The following ACOT13 variants were observed in gnomAD, a reference collection of about 807,000 sequenced individuals.
ACOT13 encodes the protein acyl-coenzyme A thioesterase 13.
Under a neutral mutation model 11.8 loss-of-function variants are expected in ACOT13, and 10 were observed. That is an observed-to-expected ratio of 0.85 (90% CI 0.53 to 1.44). The LOEUF (loss-of-function observed/expected upper bound fraction) is 1.44, where lower values mean the gene tolerates loss of function less well. Ranked by LOEUF, ACOT13 falls within the 40% of genes most tolerant of loss-of-function variation. ACOT13 has a pLI of 0.00. For missense variants in ACOT13, 172 were observed against 174.1 expected, an observed-to-expected ratio of 0.99 and a Z score of 0.07; for synonymous variants, 53 against 61.0, an observed-to-expected ratio of 0.87 and a Z score of 0.61.
intron 1 of ACOT13, among the ~76,000 whole-genome samples, chr6:24,672,873 C>T (rs1264681345): frequency 1.3e-5 from 2 of 152,170 alleles, no homozygotes; most frequent in African/African-American, 4.8e-5. Context: ...TCGATAGTCT[C>T]TGGGCCTTGA....
chr6:24,676,500 A>C (rs573799368), intron 1 of ACOT13, among the ~76,000 whole-genome samples: 7 of 152,186 alleles, frequency 4.6e-5, no homozygotes, highest in African/African-American at 1.7e-4. Flanking sequence ...TGTGAATGGG[A>C]GTTCACTCAT....
chr6:24,704,365 T>TGGG lies in ACOT13; in HGVS notation c.*2750_*2751insGGG, dbSNP rs1413966794. On this transcript the variant is annotated 3_prime_UTR_variant, in exon 3 of 3. Coordinates refer to ENST00000230048, the MANE Select transcript of ACOT13 (RefSeq NM_018473.4). ...CGTAAACAATGGCTGCCAAAATGCC[T>TGGG]AACTTGGTGAACATAAGTGTAATTC... 2 of 152,258 alleles carry TGGG rather than the reference T, an allele frequency of 1.3e-5. No individual in the cohort carries two copies. Among genetic ancestry groups the TGGG allele is most frequent in the Non-Finnish European group, 2.9e-5 (2 of 68,044 alleles). The allele number at this position is 152,258 out of a possible 1,614,324, so 9.4% of individuals were successfully genotyped here.
chr6:24,668,303 C>T (rs564015453), intron 1 of ACOT13, among the ~76,000 whole-genome samples: 1 of 152,234 alleles, frequency 6.6e-6, no homozygotes, highest in South Asian at 2.1e-4. Flanking sequence ...ACTGCAACCT[C>T]CGCCTCCTGG....
intron 1 of ACOT13, among the ~76,000 whole-genome samples, chr6:24,682,607 C>G (rs1252742571): frequency 6.6e-6 from 1 of 152,088 alleles, no homozygotes; most frequent in African/African-American, 2.4e-5. Context: ...GGACACCTCG[C>G]TGGATCAGGA....
At position 24,703,902 on chromosome 6, in the gene ACOT13, T is replaced by C. The variant is rs552509436; in HGVS notation, c.*2287T>C. On this transcript the variant is annotated 3_prime_UTR_variant, in exon 3 of 3. Coordinates refer to ENST00000230048, the MANE Select transcript of ACOT13 (RefSeq NM_018473.4). ...AATTCAAATGCAAAATGAGTAACAA[T>C]TTACAAGAAAAATTGCCCTGTACTC... 1 of 152,160 alleles carries C rather than the reference T, an allele frequency of 6.6e-6. No individual in the cohort carries two copies. Among genetic ancestry groups the C allele is most frequent in the East Asian group, 1.9e-4 (1 of 5,184 alleles). The allele number at this position is 152,160 out of a possible 1,614,324, so 9.4% of individuals were successfully genotyped here.
intron 1 of ACOT13, among the ~76,000 whole-genome samples, chr6:24,687,886 ATT>A (rs1778658293): frequency 2.0e-5 from 3 of 151,730 alleles, no homozygotes; most frequent in Middle Eastern, 3.4e-3. Flanking sequence ...TAATTTGTGT[ATT>A]TTTAGCAGAG....
rs1370971208 is a variant in ACOT13, at chr6:24,704,880, A to C, written c.*3265A>C. ...TCAAACTTTGTGTATTCACCTGAAT[A>C]GTCAGGGAACTTTCACCTATTTTAT... On this transcript the variant is annotated 3_prime_UTR_variant, in exon 3 of 3. Transcript: ENST00000230048. 6.6e-6 allele frequency: 1 copy of C among 152,306 alleles called. No homozygotes were observed. The highest frequency in any genetic ancestry group is 1.9e-4 in the East Asian group (1 of 5,200). The allele number at this position is 152,306 out of a possible 1,614,324, so 9.4% of individuals were successfully genotyped here.
Position 24,701,539 on chromosome 6 carries a change from C to CAAT in ACOT13, c.347_348insAAT (p.Thr116_Ser117insIle), listed in dbSNP as rs749615886. The CAAT allele has an allele frequency of 9.3e-6, 15 of 1,613,918 alleles. No homozygotes were observed. The highest frequency in any genetic ancestry group is 1.7e-5 in the Admixed American group (1 of 59,994). The stretch of plus-strand genomic sequence containing the variant: ...AAGCAAGGAAAAACACTTGCATTTA[C>CAAT]CTCTGTGGATCTGACCAACAAGGCC... On this transcript the variant is annotated inframe_insertion, in exon 3 of 3. Transcript: ENST00000230048.
chr6:24,680,400 TG>T (rs1417060604), intron 1 of ACOT13, among the ~76,000 whole-genome samples: 1 of 152,124 alleles, frequency 6.6e-6, no homozygotes, highest in Non-Finnish European at 1.5e-5. Flanking sequence ...GTTTTTGCCT[TG>T]GGGTGTGGGG....
At chr6:24,696,688 G>A (rs1293678943) in intron 1 of ACOT13, among the ~76,000 whole-genome samples, 3 of 152,012 alleles carry the variant, frequency 2.0e-5, no homozygotes, top group South Asian at 4.2e-4. Context: ...ATACCCTGAT[G>A]GTTTTTCCTA....
chr6:24,691,873 A>G (rs1317480981), intron 1 of ACOT13, among the ~76,000 whole-genome samples: 2 of 152,222 alleles, frequency 1.3e-5, no homozygotes, highest in Admixed American at 6.5e-5. Flanking sequence ...CAACTTAACA[A>G]TAGTTTCATC....
chr6:24,693,232 CTTCTGT>C (rs1778744280), intron 1 of ACOT13, among the ~76,000 whole-genome samples: 1 of 152,214 alleles, frequency 6.6e-6, no homozygotes, highest in South Asian at 2.1e-4. Flanking sequence ...TTTCTTTGTG[CTTCTGT>C]AGACAGTCTT....
intron 1 of ACOT13, among the ~76,000 whole-genome samples, chr6:24,679,874 G>C (rs896533524): frequency 6.6e-6 from 1 of 152,146 alleles, no homozygotes; most frequent in Non-Finnish European, 1.5e-5. Context: ...ATTTACCTAG[G>C]TCTATTTTAA....
chr6:24,683,654 T>C (rs1014127119), intron 1 of ACOT13, among the ~76,000 whole-genome samples: 3 of 141,834 alleles, frequency 2.1e-5, no homozygotes, highest in Non-Finnish European at 3.0e-5. Context: ...TCAATATATA[T>C]AAAATGAACA....
Position 24,667,118 on chromosome 6 carries a change from A to C in ACOT13, c.-146A>C, listed in dbSNP as rs1428856106. The C allele has an allele frequency of 1.9e-5, 17 of 903,912 alleles. No homozygotes were observed. In the African/African-American group the frequency reaches 2.7e-4, roughly 14 times the overall value. 56.0% of individuals were successfully genotyped at this position (903,912 alleles called of 1,614,324 possible). A position where few individuals can be genotyped will look rare whatever the true frequency, so the allele number is the denominator to read the frequency against. ...ACCACCGGGGCTGCCAGCTCGCCTG[A>C]CTCCCGGCCTCTTGCGCTCCTAGGG... On this transcript the variant is annotated 5_prime_UTR_variant, in exon 1 of 3. Coordinates refer to ENST00000230048, the MANE Select transcript of ACOT13 (RefSeq NM_018473.4).
At chr6:24,687,683 T>C (rs1778653853) in intron 1 of ACOT13, 1 of 1,520,422 alleles carries the variant, frequency 6.6e-7, no homozygotes, top group Non-Finnish European at 8.8e-7. Flanking sequence ...AAGACAGAAA[T>C]GGTTAGAAAG....
In ACOT13 at chr6:24,674,084, CAG is replaced by C. The variant is rs532385115; in HGVS notation, c.81+6743_81+6744del. 5.3e-5 allele frequency among the ~76,000 whole-genome samples: 8 copies of C among 152,108 alleles called. No homozygotes were observed. In the East Asian group the frequency reaches 1.5e-3, roughly 29 times the overall value. On this transcript the variant is annotated intron_variant, in intron 1 of 2. Transcript: ENST00000230048. ...TTGTTTGTTTGTTTTTTATCTGAGA[CAG>C]AGTCTTGCTCTGGCACCCAGGCTGG...
chr6:24,700,372 A>G (rs1158275579), intron 2 of ACOT13, among the ~76,000 whole-genome samples: 1 of 150,444 alleles, frequency 6.6e-6, no homozygotes, highest in Non-Finnish European at 1.5e-5. Context: ...ATTTCTTTAC[A>G]TTGAGGTATG....
chr6:24,697,743 T>TATCA, intron 1 of ACOT13, 140 bp from the exon 2 acceptor site: 1 of 632,634 alleles, frequency 1.6e-6, no homozygotes, highest in Non-Finnish European at 2.6e-6. Flanking sequence ...GGTTAATTTC[T>TATCA]ATCAGAGATT....
Sources: gnomAD v4.1 joint callset for allele counts (sites outside exome capture counted in the v4.1 genomes callset) on GRCh38, gnomAD v4.1.1 for gene constraint, MANE v1.5 for transcripts, NCBI Gene and HGNC (gene_info 2026-07-23, HGNC 2026-07-21) for gene names.